Variants in MALRD1 observed in about 807,000 individuals in gnomAD.
The protein encoded by MALRD1 is MAM and LDL receptor class A domain containing 1.
A neutral mutation model predicts 242.1 loss-of-function variants in MALRD1; 247 were observed. That is an observed-to-expected ratio of 1.02 (90% confidence interval 0.92 to 1.13). The LOEUF is 1.13. Ranked by LOEUF, MALRD1 falls within the 50% of genes most tolerant of loss-of-function variation. The pLI is 0.00. For missense variants in MALRD1, 2,989 were observed against 2,533.1 expected (o/e 1.18, Z -3.86); for synonymous variants, 995 against 866.6 (o/e 1.15, Z -2.60).
intron 20 of MALRD1, 44 bp downstream of exon 20, chr10:19,280,267 G>A: frequency 7.2e-7 from 1 of 1,381,078 alleles, no homozygotes; most frequent in Non-Finnish European, 9.5e-7. Flanking sequence ...CTACAAAATA[G>A]AAAATGCAAG....
At position 19,615,884 on chromosome 10, in the gene MALRD1, G is replaced by T. The variant is rs1423736208; in HGVS notation, c.6098G>T (p.Gly2033Val). The change falls in exon 36 of 40, where the codon GGT (glycine) becomes GTT (valine). Residue 2033 changes from glycine (G) to valine (V), a missense_variant. Physicochemically the swap from Gly to Val is moderately radical, Grantham distance 109. Transcript: ENST00000454679. The part of the protein sequence containing the change: ...SECPLNYCRN[G>V]GTCVVEKNGP... ...TGTCCATTAAATTACTGCAGAAATGGTGGGACTTGTGTAGTGGAGAAAAAT... is the reference window on the plus strand; with the variant it reads ...TGTCCATTAAATTACTGCAGAAATGTTGGGACTTGTGTAGTGGAGAAAAAT... The T allele has an allele frequency of 6.5e-7, 1 of 1,531,712 alleles. No homozygotes were observed. Among genetic ancestry groups the T allele is most frequent in the Non-Finnish European group, 8.7e-7 (1 of 1,144,336 alleles). 94.9% of individuals were successfully genotyped at this position (1,531,712 alleles called of 1,614,324 possible).
At chr10:19,600,966 C>A (rs949878906) in intron 34 of MALRD1, among the ~76,000 whole-genome samples, 1 of 152,046 alleles carries the variant, frequency 6.6e-6, no homozygotes, top group Non-Finnish European at 1.5e-5. Flanking sequence ...ATCACTGCAG[C>A]CTTGCCCTCC....
chr10:19,708,328 C>A (rs1203502941), intron 38 of MALRD1, among the ~76,000 whole-genome samples: 1 of 97,166 alleles, frequency 1.0e-5, no homozygotes. Context: ...CCTTCTTTTT[C>A]TTTTTCTTTT....
At chr10:19,393,065 A>T (rs1314856962) in intron 28 of MALRD1, among the ~76,000 whole-genome samples, 1 of 152,200 alleles carries the variant, frequency 6.6e-6, no homozygotes, top group Non-Finnish European at 1.5e-5. Flanking sequence ...GAACTCAGGT[A>T]TTCTGAAATT....
chr10:19,109,859 G>C lies in MALRD1; in HGVS notation c.694+5784G>C, dbSNP rs146992076. Among the ~76,000 whole-genome samples, 110 of 152,302 alleles carry C rather than the reference G, an allele frequency of 7.2e-4. 2 individuals carry two copies. In the East Asian group the frequency reaches 0.019, roughly 26 times the overall value. On this transcript the variant is annotated intron_variant, in intron 5 of 39. Transcript: ENST00000454679. ...ATGTCAACTTCTGGCAGTGACCTTA[G>C]ACTGGGCTTAGGGCCTGTGATGACT...
In MALRD1 at chr10:19,280,158, T is replaced by A; in HGVS notation, c.3191T>A (p.Ile1064Asn). Reference sequence around the variant, plus strand: ...ATCTGCAGGTCTGATGGTCACTGCATTGAAAAAATGCAGAAATGTGATTTT... The same window carrying A: ...ATCTGCAGGTCTGATGGTCACTGCAATGAAAAAATGCAGAAATGTGATTTT... ...EFICRSDGHC[I>N]EKMQKCDFKY... Residue 1064 changes from isoleucine to asparagine, a missense_variant, in exon 20 of 40, where the codon ATT (isoleucine) becomes AAT (asparagine). Physicochemically the swap from Ile to Asn is moderately radical, Grantham distance 149. Transcript: ENST00000454679. 1 of 1,545,350 alleles carries A rather than the reference T, an allele frequency of 6.5e-7. No individual in the cohort carries two copies. Among genetic ancestry groups the A allele is most frequent in the Non-Finnish European group, 8.7e-7 (1 of 1,145,286 alleles).
chr10:19,578,607 G>C (rs945982624), intron 33 of MALRD1, among the ~76,000 whole-genome samples: 2 of 152,066 alleles, frequency 1.3e-5, no homozygotes, highest in South Asian at 4.1e-4. Flanking sequence ...CAGAAGAATT[G>C]CTTGAACCCA....
chr10:19,228,935 A>G (rs1406669162), intron 18 of MALRD1, among the ~76,000 whole-genome samples: 1 of 151,758 alleles, frequency 6.6e-6, no homozygotes, highest in Non-Finnish European at 1.5e-5. Flanking sequence ...AAATGCAATT[A>G]TTTACTCAGC....
intron 32 of MALRD1, among the ~76,000 whole-genome samples, chr10:19,543,861 G>A (rs1835091625): frequency 6.6e-6 from 1 of 152,140 alleles, no homozygotes; most frequent in Admixed American, 6.5e-5. Flanking sequence ...CTATGCTCCT[G>A]GGTTTCCATC....
intron 18 of MALRD1, among the ~76,000 whole-genome samples, chr10:19,247,967 A>G (rs1839137142): frequency 6.6e-6 from 1 of 152,060 alleles, no homozygotes; most frequent in African/African-American, 2.4e-5. Context: ...GTAGACAGAA[A>G]AAGGAAGTGA....
chr10:19,233,135 C>T (rs182373498), intron 18 of MALRD1, among the ~76,000 whole-genome samples: 22 of 152,076 alleles, frequency 1.4e-4, no homozygotes, highest in East Asian at 5.8e-4. Flanking sequence ...TTGTTACAGG[C>T]GTGCAGTGTG....
chr10:19,206,923 C>T (rs539074310), intron 17 of MALRD1, among the ~76,000 whole-genome samples: 26 of 152,188 alleles, frequency 1.7e-4, no homozygotes, highest in African/African-American at 5.8e-4. Flanking sequence ...CCTGTGTCCC[C>T]CCAAGTTCAC....
At chr10:19,602,516 G>T (rs1405423183) in intron 34 of MALRD1, among the ~76,000 whole-genome samples, 2 of 151,802 alleles carry the variant, frequency 1.3e-5, no homozygotes, top group East Asian at 1.9e-4. Flanking sequence ...CCCTGCAAAG[G>T]ACATGAACTC....
At chr10:19,568,532 G>A (rs755657884) in intron 33 of MALRD1, among the ~76,000 whole-genome samples, 1 of 152,036 alleles carries the variant, frequency 6.6e-6, no homozygotes, top group Non-Finnish European at 1.5e-5. Flanking sequence ...CTAATAACCA[G>A]TGTGAGCCTG....
chr10:19,366,344 T>C (rs2130726253), intron 26 of MALRD1, among the ~76,000 whole-genome samples: 1 of 152,128 alleles, frequency 6.6e-6, no homozygotes, highest in Non-Finnish European at 1.5e-5. Context: ...TGCGCTCCTA[T>C]GAGAAGCTAG....
At chr10:19,361,579 A>G (rs1010329570) in intron 26 of MALRD1, among the ~76,000 whole-genome samples, 1 of 152,118 alleles carries the variant, frequency 6.6e-6, no homozygotes, top group Non-Finnish European at 1.5e-5. Context: ...CGTAACTAGG[A>G]TATTTAACTG....
chr10:19,275,323 G>A (rs1254454667), intron 19 of MALRD1, among the ~76,000 whole-genome samples: 1 of 152,100 alleles, frequency 6.6e-6, no homozygotes, highest in Non-Finnish European at 1.5e-5. Context: ...CACTCAATTC[G>A]CTGGGCTTCT....
chr10:19,206,241 G>A (rs185591338), intron 17 of MALRD1, among the ~76,000 whole-genome samples: 44 of 151,942 alleles, frequency 2.9e-4, no homozygotes, highest in East Asian at 1.9e-4. Flanking sequence ...ATACATCATC[G>A]TAGAGAGTTT....
At chr10:19,320,450 T>A (rs1289104042) in intron 21 of MALRD1, among the ~76,000 whole-genome samples, 1 of 152,154 alleles carries the variant, frequency 6.6e-6, no homozygotes, top group East Asian at 1.9e-4. Flanking sequence ...TGTGCCAAAT[T>A]TTCTTTATCC....
Sources: gnomAD v4.1 joint callset for allele counts (sites outside exome capture counted in the v4.1 genomes callset) on GRCh38, gnomAD v4.1.1 for gene constraint, MANE v1.5 for transcripts, NCBI Gene and HGNC (gene_info 2026-07-23, HGNC 2026-07-21) for gene names.